STARD13: variants seen among roughly 807,000 people sequenced by gnomAD.
The protein encoded by STARD13 is StAR related lipid transfer domain containing 13, also known as stAR-related lipid transfer protein 13.
Under a neutral mutation model 106.4 loss-of-function variants are expected in STARD13, and 62 were observed. The observed-to-expected ratio is 0.58, with a 90% CI of 0.48 to 0.72. The LOEUF is 0.72. STARD13 is among the 30% of genes least tolerant of loss of function. The pLI, the probability that STARD13 is intolerant of heterozygous loss-of-function variation, is 0.00. For missense variants in STARD13, 1,387 were observed against 1,424.0 expected, an observed-to-expected ratio of 0.97 and a Z score of 0.42; for synonymous variants, 565 against 553.0, an observed-to-expected ratio of 1.02 and a Z score of -0.31.
chr13:33,580,519 C>T, the STARD13 span, among the ~76,000 whole-genome samples: 2 of 151,974 alleles, frequency 1.3e-5, no homozygotes, highest in Non-Finnish European at 2.9e-5. Flanking sequence ...CACAACACAG[C>T]GTGAACCTTA....
rs1396799320 is a variant in STARD13 at position 33,106,898 on chromosome 13, G to A, written c.3084C>T (p.Thr1028=). 1.2e-6 allele frequency: 2 copies of A among 1,614,036 alleles called. No homozygotes were observed. The highest frequency in any genetic ancestry group is 1.7e-5 in the Admixed American group (1 of 60,020). Residue 1028 remains threonine (T), a synonymous_variant, in exon 13 of 14, where the codon ACC becomes ACT. Coordinates refer to ENST00000336934, the MANE Select transcript of STARD13 (RefSeq NM_178006.4). Reference sequence around the variant, plus strand: ...CATGCTCCACGGAGAGGGACACCAGGGTACACATTCCTTTGGGCAAATCAG... The same window carrying A: ...CATGCTCCACGGAGAGGGACACCAGAGTACACATTCCTTTGGGCAAATCAG... ...WKTDLPKGMC[T]LVSLSVEHEE...
chr13:33,360,972 T>G, the STARD13 span, among the ~76,000 whole-genome samples: 2 of 148,966 alleles, frequency 1.3e-5, no homozygotes, highest in Non-Finnish European at 3.0e-5. Context: ...ATTTTTTTTT[T>G]TTTTTTTGTA....
the STARD13 span, among the ~76,000 whole-genome samples, chr13:33,451,820 T>C: frequency 6.6e-6 from 1 of 151,942 alleles, no homozygotes; most frequent in Non-Finnish European, 1.5e-5. Flanking sequence ...AGTGATATGG[T>C]ATATAACAAA....
At chr13:33,478,843 G>C in the STARD13 span, among the ~76,000 whole-genome samples, 23 of 152,272 alleles carry the variant, frequency 1.5e-4, no homozygotes, top group East Asian at 3.9e-4. Context: ...TTAAGCTCTG[G>C]AAGTCAAGGC....
intron 1 of STARD13, among the ~76,000 whole-genome samples, chr13:33,259,473 A>C (rs1349366289): frequency 6.6e-6 from 1 of 152,218 alleles, no homozygotes; most frequent in African/African-American, 2.4e-5. Context: ...GTCAGTTCCC[A>C]TGATCTGATG....
At chr13:33,231,771 A>G (rs902408543) in intron 1 of STARD13, among the ~76,000 whole-genome samples, 1 of 152,172 alleles carries the variant, frequency 6.6e-6, no homozygotes, top group Admixed American at 6.5e-5. Flanking sequence ...TAACTTTTCC[A>G]GATGACTAAG....
chr13:33,515,859 G>A, the STARD13 span, among the ~76,000 whole-genome samples: 2 of 151,994 alleles, frequency 1.3e-5, no homozygotes, highest in Admixed American at 6.6e-5. Flanking sequence ...AGATGCTTTC[G>A]ACAGAAAGAC....
At chr13:33,640,565 T>A in the STARD13 span, among the ~76,000 whole-genome samples, 3 of 152,216 alleles carry the variant, frequency 2.0e-5, no homozygotes, top group East Asian at 1.9e-4. Context: ...CATTTAATCA[T>A]GGATTTGGCA....
At chr13:33,369,645 G>T in the STARD13 span, among the ~76,000 whole-genome samples, 1 of 152,024 alleles carries the variant, frequency 6.6e-6, no homozygotes, top group Admixed American at 6.6e-5. Flanking sequence ...GGATCTGAAA[G>T]CTCACTTTCT....
intron 1 of STARD13, among the ~76,000 whole-genome samples, chr13:33,329,456 G>A (rs1173307860): frequency 6.6e-6 from 1 of 151,866 alleles, no homozygotes; most frequent in Non-Finnish European, 1.5e-5. Flanking sequence ...CCCGCTCCAG[G>A]CAACCACCAT....
At chr13:33,199,559 A>G (rs1377615939) in intron 1 of STARD13, among the ~76,000 whole-genome samples, 1 of 152,238 alleles carries the variant, frequency 6.6e-6, no homozygotes, top group East Asian at 1.9e-4. Flanking sequence ...AGAAACTCTA[A>G]AGATAAAAAT....
the STARD13 span, among the ~76,000 whole-genome samples, chr13:33,496,723 G>C: frequency 6.6e-6 from 1 of 152,034 alleles, no homozygotes; most frequent in South Asian, 2.1e-4. Context: ...TAAATTTCAT[G>C]ATGATGATTA....
the STARD13 span, among the ~76,000 whole-genome samples, chr13:33,675,766 C>T: frequency 6.6e-6 from 1 of 152,116 alleles, no homozygotes; most frequent in Admixed American, 6.5e-5. Flanking sequence ...TGATTATCAT[C>T]TACGTCTTCT....
chr13:33,503,679 T>C, the STARD13 span, among the ~76,000 whole-genome samples: 2 of 152,220 alleles, frequency 1.3e-5, no homozygotes, highest in Non-Finnish European at 2.9e-5. Context: ...AGTTTCCATG[T>C]AGTTGAGCGG....
chr13:33,620,606 C>T, the STARD13 span, among the ~76,000 whole-genome samples: 2 of 152,056 alleles, frequency 1.3e-5, no homozygotes, highest in African/African-American at 2.4e-5. Flanking sequence ...TTTTCAAGTA[C>T]ACATGCTGCA....
the STARD13 span, among the ~76,000 whole-genome samples, chr13:33,376,487 G>A: frequency 1.3e-5 from 2 of 152,072 alleles, no homozygotes; most frequent in Non-Finnish European, 2.9e-5. Flanking sequence ...GATTAGCCAG[G>A]CACCTAATAG....
intron 3 of STARD13, among the ~76,000 whole-genome samples, chr13:33,164,783 C>G (rs75230785): frequency 0.026 from 3,886 of 152,300 alleles, 88 homozygotes; most frequent in African/African-American, 0.062. Flanking sequence ...TCTCCTTACA[C>G]TATCTATCAC....
chr13:33,172,517 G>A (rs1217732864), intron 1 of STARD13, among the ~76,000 whole-genome samples: 1 of 152,188 alleles, frequency 6.6e-6, no homozygotes, highest in Non-Finnish European at 1.5e-5. Context: ...AGGAAACATA[G>A]TGAGCACAGC....
intron 1 of STARD13, among the ~76,000 whole-genome samples, chr13:33,321,800 C>G (rs891525886): frequency 3.3e-5 from 5 of 152,182 alleles, no homozygotes; most frequent in African/African-American, 1.2e-4. Flanking sequence ...TTCATCTCCT[C>G]TGAGAAGAGT....
Sources: gnomAD v4.1 joint callset for allele counts (sites outside exome capture counted in the v4.1 genomes callset) on GRCh38, gnomAD v4.1.1 for gene constraint, MANE v1.5 for transcripts, NCBI Gene and HGNC (gene_info 2026-07-23, HGNC 2026-07-21) for gene names.